The following DHRSX variants were observed in gnomAD, a reference collection of about 807,000 sequenced individuals.
DHRSX encodes the protein dehydrogenase/reductase X-linked, also known as polyprenol dehydrogenase.
Under a neutral mutation model 34.0 loss-of-function variants are expected in DHRSX, and 31 were observed. That is an observed-to-expected ratio of 0.91 (90% CI 0.69 to 1.23). DHRSX has a LOEUF of 1.23. DHRSX is among the 50% of genes most tolerant of loss of function. The pLI is 0.00. For synonymous variants in DHRSX, 201 were observed against 183.8 expected (o/e 1.09, Z -0.76); for missense variants, 414 against 428.1 (o/e 0.97, Z 0.29).
chrX:2,341,166 A>G (rs1192838782), intron 3 of DHRSX, among the ~76,000 whole-genome samples: 1 of 152,048 alleles, frequency 6.6e-6, no homozygotes, highest in African/African-American at 2.4e-5. Context: ...AAGCCATAAT[A>G]CAAGGGGCTC....
At chrX:2,265,644 C>A (rs1271802773) in intron 5 of DHRSX, among the ~76,000 whole-genome samples, 4 of 142,202 alleles carry the variant, frequency 2.8e-5, no homozygotes, top group Non-Finnish European at 6.2e-5. Context: ...CAGTGTACAG[C>A]AGACGCAGGG....
intron 3 of DHRSX, among the ~76,000 whole-genome samples, chrX:2,406,967 T>C (rs1232482603): frequency 6.6e-6 from 1 of 152,226 alleles, no homozygotes; most frequent in Admixed American, 6.5e-5. Flanking sequence ...CCTGCATTCC[T>C]ATGTGCATTG....
intron 3 of DHRSX, among the ~76,000 whole-genome samples, chrX:2,367,179 C>T (rs767947547): frequency 7.9e-5 from 12 of 152,202 alleles, no homozygotes; most frequent in African/African-American, 2.9e-4. Flanking sequence ...GTGGCTCACA[C>T]CTATAATCCC....
At chrX:2,266,319 C>T (rs1311608735) in intron 5 of DHRSX, among the ~76,000 whole-genome samples, 3 of 130,310 alleles carry the variant, frequency 2.3e-5, no homozygotes, top group African/African-American at 3.2e-5. Context: ...AGCACCAATG[C>T]TCGGCAGACA....
intron 2 of DHRSX, among the ~76,000 whole-genome samples, chrX:2,424,127 G>C (rs907911492): frequency 1.3e-5 from 2 of 152,112 alleles, no homozygotes; most frequent in Non-Finnish European, 2.9e-5. Context: ...CTTATAAGGA[G>C]AGCATATGAG....
At chrX:2,272,479 A>C (rs1403748973) in intron 4 of DHRSX, among the ~76,000 whole-genome samples, 1 of 152,152 alleles carries the variant, frequency 6.6e-6, no homozygotes, top group African/African-American at 2.4e-5. Context: ...GGCCATGCTC[A>C]TTAACTTTCT....
At chrX:2,227,184 A>C (rs2015686201) in intron 6 of DHRSX, among the ~76,000 whole-genome samples, 1 of 152,070 alleles carries the variant, frequency 6.6e-6, no homozygotes, top group Non-Finnish European at 1.5e-5. Flanking sequence ...ACGTGTCTGC[A>C]CAGAATCCTG....
At chrX:2,298,612 A>ACACACACACACG (rs1556457201) in intron 3 of DHRSX, among the ~76,000 whole-genome samples, 2 of 57,208 alleles carry the variant, frequency 3.5e-5, no homozygotes, top group Non-Finnish European at 1.0e-4. Context: ...ACACACACAC[A>ACACACACACACG]CACACACACA....
intron 3 of DHRSX, among the ~76,000 whole-genome samples, chrX:2,314,805 C>G (rs1253942614): frequency 6.6e-6 from 1 of 152,088 alleles, no homozygotes; most frequent in Admixed American, 6.6e-5. Flanking sequence ...TTGCCTGGAG[C>G]AGCTTCTGTC....
At chrX:2,386,917 T>C (rs982567819) in intron 3 of DHRSX, among the ~76,000 whole-genome samples, 1 of 151,870 alleles carries the variant, frequency 6.6e-6, no homozygotes, top group Admixed American at 6.6e-5. Flanking sequence ...CTACTTTCCT[T>C]TTGTATTTAT....
At chrX:2,479,424 G>A (rs1213207241) in intron 1 of DHRSX, among the ~76,000 whole-genome samples, 2 of 149,646 alleles carry the variant, frequency 1.3e-5, no homozygotes, top group Non-Finnish European at 3.0e-5. Flanking sequence ...GCACACTGAC[G>A]ACATTCCGTA....
chrX:2,297,845 C>G (rs1431520040), intron 3 of DHRSX, among the ~76,000 whole-genome samples: 5 of 151,538 alleles, frequency 3.3e-5, no homozygotes, highest in African/African-American at 1.2e-4. Context: ...ACCTCCACTT[C>G]CCGAGTTCAA....
chrX:2,445,968 G>A (rs926018453), intron 1 of DHRSX, among the ~76,000 whole-genome samples: 9 of 151,470 alleles, frequency 5.9e-5, no homozygotes, highest in Non-Finnish European at 1.0e-4. Context: ...ATGTGGTCAA[G>A]GGACCGCACT....
At chrX:2,254,069 CA>C (rs898341884) in intron 5 of DHRSX, among the ~76,000 whole-genome samples, 1 of 146,974 alleles carries the variant, frequency 6.8e-6, no homozygotes, top group Non-Finnish European at 1.5e-5. Context: ...CAAAAAAAAA[CA>C]AAAAGAAAGG....
intron 4 of DHRSX, among the ~76,000 whole-genome samples, chrX:2,275,984 C>T (rs2041628274): frequency 6.6e-6 from 1 of 152,066 alleles, no homozygotes; most frequent in Non-Finnish European, 1.5e-5. Context: ...GCTGGGATTA[C>T]AGGTGTATGC....
At chrX:2,345,825 C>T (rs2042701560) in intron 3 of DHRSX, among the ~76,000 whole-genome samples, 2 of 152,186 alleles carry the variant, frequency 1.3e-5, no homozygotes, top group Non-Finnish European at 2.9e-5. Context: ...ACTCCAACTA[C>T]ATCATCAGCT....
rs749576129 is a variant in DHRSX at position 2,267,424 on chromosome X, A to G, written c.389-477T>C. On this transcript the variant is annotated intron_variant, in intron 4 of 6. Coordinates refer to ENST00000334651, the MANE Select transcript of DHRSX (RefSeq NM_145177.3). The stretch of plus-strand genomic sequence containing the variant: ...GCCAGGTTTGGTGGCAGGGTCCTGT[A>G]GTTCCAGCTACTCAGGAGGCTGAGG... Among the ~76,000 whole-genome samples, 22 of 152,140 alleles carry G rather than the reference A, an allele frequency of 1.4e-4. No individual in the cohort carries two copies. The South Asian group carries it at 4.1e-3, about 29-fold the overall frequency.
chrX:2,494,196 T>A (rs1217582986), intron 1 of DHRSX, among the ~76,000 whole-genome samples: 9 of 151,984 alleles, frequency 5.9e-5, no homozygotes, highest in Non-Finnish European at 1.2e-4. Context: ...AGGTTTATAT[T>A]CTATTATCAT....
At chrX:2,250,099 T>C (rs753761124) in intron 5 of DHRSX, among the ~76,000 whole-genome samples, 2 of 149,932 alleles carry the variant, frequency 1.3e-5, no homozygotes, top group African/African-American at 2.5e-5. Context: ...GAGGTGAAGA[T>C]TGCAGTGAGC....
Sources: allele counts gnomAD v4.1 joint callset (sites outside exome capture counted in the v4.1 genomes callset), GRCh38; gene constraint gnomAD v4.1.1; transcripts MANE v1.5; gene names NCBI Gene and HGNC (gene_info 2026-07-23, HGNC 2026-07-21).